The following WDR59 variants were observed in gnomAD, a reference collection of about 807,000 sequenced individuals.
The protein encoded by WDR59 is WD repeat domain 59.
In WDR59, 100 loss-of-function variants were observed where a neutral mutation model predicts 131.2. That is an observed-to-expected ratio of 0.76 (90% CI 0.65 to 0.90). The LOEUF is 0.90. Among genes scored for constraint, WDR59 ranks in the 40% least tolerant of loss-of-function variants. The pLI is 0.00. For synonymous variants in WDR59, 601 were observed against 466.2 expected, an observed-to-expected ratio of 1.29 and a Z score of -3.72; for missense variants, 1,203 against 1,262.2, an observed-to-expected ratio of 0.95 and a Z score of 0.71.
At chr16:74,981,660 A>ATATATATATTTTTTT (rs1567451007) in intron 1 of WDR59, among the ~76,000 whole-genome samples, 1 of 80,864 alleles carries the variant, frequency 1.2e-5, no homozygotes, top group African/African-American at 7.4e-5. Flanking sequence ...ATATATATAT[A>ATATATATATTTTTTT]TTTTTTTTTT....
rs1273596088 is a variant in WDR59 at position 74,985,081 on chromosome 16, C to G, written c.-64G>C. ...TCCCACCCCGCCGTCCCCAGTATCC[C>G]GGGACCGTGCGCCCCACACAGCCAG... On this transcript the variant is annotated 5_prime_UTR_variant, in exon 1 of 26. Coordinates refer to ENST00000262144, the MANE Select transcript of WDR59 (RefSeq NM_030581.4). 3.4e-6 allele frequency: 5 copies of G among 1,467,132 alleles called. No homozygotes were observed. The highest frequency in any genetic ancestry group is 4.7e-6 in the Non-Finnish European group (5 of 1,072,362). The allele number at this position is 1,467,132 out of a possible 1,614,324, so 90.9% of individuals were successfully genotyped here.
intron 13 of WDR59, among the ~76,000 whole-genome samples, chr16:74,913,756 G>A (rs942774417): frequency 2.0e-5 from 3 of 152,162 alleles, no homozygotes; most frequent in Non-Finnish European, 2.9e-5. Context: ...AAGTAGATTC[G>A]GGATTGCCAC....
Position 74,942,704 on chromosome 16 carries a change from A to G in WDR59, c.534+34T>C, listed in dbSNP as rs369405705. The G allele has an allele frequency of 4.9e-5, 79 of 1,608,080 alleles. No individual in the cohort carries two copies. In the African/African-American group the frequency reaches 1.0e-3, roughly 21 times the overall value. On this transcript the variant is annotated intron_variant, in intron 7 of 25. Transcript: ENST00000262144. ...TCTTCACACCCTCTGGGAGGGATCA[A>G]AGACCAATAAGGGCGAAAAAAGAGA...
intron 18 of WDR59, among the ~76,000 whole-genome samples, chr16:74,898,872 C>T (rs1475053831): frequency 2.0e-5 from 3 of 152,108 alleles, no homozygotes; most frequent in African/African-American, 7.2e-5. Flanking sequence ...GGAAGGTGGC[C>T]CCGTTGGTGG....
chr16:74,968,546 C>T (rs915576898), intron 1 of WDR59, among the ~76,000 whole-genome samples: 2 of 152,094 alleles, frequency 1.3e-5, no homozygotes, highest in Non-Finnish European at 2.9e-5. Flanking sequence ...CATGGCGAAA[C>T]CCCATTTCTA....
At chr16:74,911,433 A>G (rs1188684601) in intron 14 of WDR59, among the ~76,000 whole-genome samples, 1 of 152,238 alleles carries the variant, frequency 6.6e-6, no homozygotes, top group Non-Finnish European at 1.5e-5. Context: ...AGCAACATTC[A>G]GCTTGGCCTG....
At chr16:74,927,789 T>C (rs546072858) in intron 8 of WDR59, among the ~76,000 whole-genome samples, 1 of 151,908 alleles carries the variant, frequency 6.6e-6, no homozygotes, top group South Asian at 2.1e-4. Context: ...TCCATGGCTG[T>C]TTTTTTCAAA....
At chr16:74,922,520 G>T (rs766993241) in intron 9 of WDR59, among the ~76,000 whole-genome samples, 6 of 152,126 alleles carry the variant, frequency 3.9e-5, no homozygotes, top group Non-Finnish European at 8.8e-5. Flanking sequence ...CTTGCCACGT[G>T]GAAATGCACC....
chr16:74,934,342 T>C (rs2031633353), intron 8 of WDR59, among the ~76,000 whole-genome samples: 1 of 152,202 alleles, frequency 6.6e-6, no homozygotes, highest in African/African-American at 2.4e-5. Context: ...ATTTTGTTTC[T>C]AGATTTAAAT....
chr16:74,918,131 G>T, intron 10 of WDR59, 123 bp from the exon 11 acceptor site: 2 of 869,218 alleles, frequency 2.3e-6, no homozygotes, highest in Non-Finnish European at 1.9e-6. Flanking sequence ...TTTCTCATAT[G>T]CCAGGCACTA....
At position 74,942,718 on chromosome 16, in the gene WDR59, C is replaced by T. The variant is rs139174707; in HGVS notation, c.534+20G>A. 1.0e-4 allele frequency: 163 copies of T among 1,611,330 alleles called. 1 individual carries two copies. In the Middle Eastern group the frequency reaches 1.2e-3, roughly 11 times the overall value. On this transcript the variant is annotated intron_variant, in intron 7 of 25. Transcript: ENST00000262144. ...GGGAGGGATCAAAGACCAATAAGGG[C>T]GAAAAAAGAGATTACTCACCCTCTT...
At chr16:74,962,938 C>A (rs186176832) in intron 2 of WDR59, 2 of 151,580 alleles carry the variant, frequency 1.3e-5, no homozygotes, top group African/African-American at 4.8e-5. Flanking sequence ...AGGGTATGTA[C>A]CCAGAGGAAT....
chr16:74,984,728 C>T (rs1597836747), intron 1 of WDR59: 5 of 578,950 alleles, frequency 8.6e-6, no homozygotes, highest in African/African-American at 1.9e-5. Flanking sequence ...ACAAGGCGGA[C>T]CCCACTCCCC....
At chr16:74,920,326 C>A (rs188712149) in intron 10 of WDR59, among the ~76,000 whole-genome samples, 1 of 151,926 alleles carries the variant, frequency 6.6e-6, no homozygotes, top group South Asian at 2.1e-4. Context: ...AAATGTAGGC[C>A]GATGGAAGTG....
chr16:74,933,072 T>A (rs1448475821), intron 8 of WDR59, among the ~76,000 whole-genome samples: 1 of 152,166 alleles, frequency 6.6e-6, no homozygotes, highest in South Asian at 2.1e-4. Flanking sequence ...AAACATTATA[T>A]GGATAGTACA....
At chr16:74,982,257 T>G (rs951738472) in intron 1 of WDR59, among the ~76,000 whole-genome samples, 46 of 152,022 alleles carry the variant, frequency 3.0e-4, no homozygotes, top group African/African-American at 1.1e-3. Context: ...AACAAAATAG[T>G]TAATAAAATG....
In WDR59 at chr16:74,942,730, T is replaced by G; in HGVS notation, c.534+8A>C. ...AGACCAATAAGGGCGAAAAAAGAGA[T>G]TACTCACCCTCTTATCCCATATCCG... is the stretch of plus-strand genomic sequence containing the variant. On this transcript the variant is annotated splice_region_variant and intron_variant, in intron 7 of 25. Transcript: ENST00000262144. 1 of 1,613,378 alleles carries G rather than the reference T, an allele frequency of 6.2e-7. No individual in the cohort carries two copies. The highest frequency in any genetic ancestry group is 8.5e-7 in the Non-Finnish European group (1 of 1,179,472).
At chr16:74,879,627 T>C (rs1964384607) in intron 25 of WDR59, among the ~76,000 whole-genome samples, 1 of 152,176 alleles carries the variant, frequency 6.6e-6, no homozygotes, top group Non-Finnish European at 1.5e-5. Flanking sequence ...TTGCTCCATC[T>C]CTACCCTCAG....
intron 25 of WDR59, among the ~76,000 whole-genome samples, chr16:74,877,514 T>C (rs372134018): frequency 1.3e-5 from 2 of 152,198 alleles, no homozygotes; most frequent in South Asian, 4.1e-4. Flanking sequence ...CTTAATTATT[T>C]ACTGCTCTGT....
Sources: allele counts gnomAD v4.1 joint callset (sites outside exome capture counted in the v4.1 genomes callset), GRCh38; gene constraint gnomAD v4.1.1; transcripts MANE v1.5; gene names NCBI Gene and HGNC (gene_info 2026-07-23, HGNC 2026-07-21).